STMN4: variants seen among roughly 807,000 people sequenced by gnomAD.
The protein encoded by STMN4 is stathmin-4.
In STMN4, 12 loss-of-function variants were observed where a neutral mutation model predicts 29.1. The ratio of observed to expected loss-of-function variants is 0.41; its 90% CI spans 0.26 to 0.67. The LOEUF is 0.67. STMN4 is among the 30% of genes least tolerant of loss of function. The pLI is 0.30. For synonymous variants in STMN4, 114 were observed against 105.3 expected, an observed-to-expected ratio of 1.08 and a Z score of -0.51; for missense variants, 181 against 262.8, an observed-to-expected ratio of 0.69 and a Z score of 2.15.
Position 27,242,460 on chromosome 8 carries a change from C to A in STMN4, c.46G>T (p.Val16Leu), listed in dbSNP as rs751862654. The change falls in exon 3 of 7, where the codon GTG (valine) becomes TTG (leucine). Residue 16 changes from valine to leucine, a missense_variant. By Grantham distance (32) the Val-to-Leu change is conservative. Transcript: ENST00000350889. ...YKEKMKELPL[V>L]SLFCSCFLAD... ...AGGAAGCAGGAGCAGAACAAGGACACCAGCGGGAGCTCCTTCATCTTCTCT... is the reference window on the plus strand; with the variant it reads ...AGGAAGCAGGAGCAGAACAAGGACAACAGCGGGAGCTCCTTCATCTTCTCT... 1 of 1,614,198 alleles carries A rather than the reference C, an allele frequency of 6.2e-7. No individual in the cohort carries two copies. The highest frequency in any genetic ancestry group is 8.5e-7 in the Non-Finnish European group (1 of 1,180,032).
At chr8:27,255,552 C>T (rs569918411) in intron 1 of STMN4, among the ~76,000 whole-genome samples, 8 of 152,256 alleles carry the variant, frequency 5.3e-5, no homozygotes, top group East Asian at 3.9e-4. Context: ...TTTTCCAATC[C>T]GTCTATACAG....
At chr8:27,258,193 C>T (rs1185736277) in intron 1 of STMN4, among the ~76,000 whole-genome samples, 158 bp downstream of exon 1, 1 of 152,182 alleles carries the variant, frequency 6.6e-6, no homozygotes, top group Non-Finnish European at 1.5e-5. Context: ...TCTGCCTCAC[C>T]CCCTTTCCCC....
intron 1 of STMN4, among the ~76,000 whole-genome samples, chr8:27,249,206 C>T (rs1489992476): frequency 6.6e-6 from 1 of 152,074 alleles, no homozygotes. Context: ...AGGGATCTCA[C>T]GGTGGGACAG....
chr8:27,243,866 G>C (rs1223989882), intron 1 of STMN4, 65 bp from the exon 2 acceptor site: 8 of 1,437,826 alleles, frequency 5.6e-6, no homozygotes, highest in Non-Finnish European at 7.7e-6. Context: ...CATAAGAAAG[G>C]TCTTTATACA....
chr8:27,257,271 A>G (rs73239483), intron 1 of STMN4, among the ~76,000 whole-genome samples: 9,383 of 152,176 alleles, frequency 0.062, 404 homozygotes, highest in Non-Finnish European at 0.09. Flanking sequence ...GCGGGGGCTC[A>G]GCCTCAGGTG....
Position 27,236,791 on chromosome 8 carries a change from C to T in STMN4, c.*55G>A, listed in dbSNP as rs555972464. On this transcript the variant is annotated 3_prime_UTR_variant, in exon 7 of 7. Transcript: ENST00000350889. ...AGCCGGCGGGCGAGGCTGCCTGGAACGTGGAGCTGCTGGAGCTGTCCGGCT... is the reference window on the plus strand; with the variant it reads ...AGCCGGCGGGCGAGGCTGCCTGGAATGTGGAGCTGCTGGAGCTGTCCGGCT... 73 of 1,498,170 alleles carry T rather than the reference C, an allele frequency of 4.9e-5. No homozygotes were observed. The highest frequency in any genetic ancestry group is 3.1e-4 in the South Asian group (23 of 74,456). The allele number at this position is 1,498,170 out of a possible 1,614,324, so 92.8% of individuals were successfully genotyped here. A position where few individuals can be genotyped will look rare whatever the true frequency, so the allele number is the denominator to read the frequency against.
At chr8:27,256,401 A>T (rs1156327441) in intron 1 of STMN4, among the ~76,000 whole-genome samples, 2 of 152,192 alleles carry the variant, frequency 1.3e-5, no homozygotes, top group Non-Finnish European at 2.9e-5. Context: ...TTGACTATCT[A>T]TTGGGAGTTT....
intron 2 of STMN4, among the ~76,000 whole-genome samples, chr8:27,243,311 C>T (rs1022276603): frequency 1.3e-5 from 2 of 152,246 alleles, no homozygotes; most frequent in Non-Finnish European, 2.9e-5. Flanking sequence ...TGGGCTCAAG[C>T]GATCCTTGTG....
chr8:27,244,442 C>T (rs1351691081), intron 1 of STMN4, among the ~76,000 whole-genome samples: 1 of 152,184 alleles, frequency 6.6e-6, no homozygotes, highest in Non-Finnish European at 1.5e-5. Context: ...CACCAGAAAT[C>T]AGCGTGAGGA....
At position 27,242,508 on chromosome 8, in the gene STMN4, G is replaced by A; in HGVS notation, c.14-16C>T. The A allele has an allele frequency of 6.2e-7, 1 of 1,613,432 alleles. No homozygotes were observed. The highest frequency in any genetic ancestry group is 8.5e-7 in the Non-Finnish European group (1 of 1,179,478). On this transcript the variant is annotated splice_polypyrimidine_tract_variant and intron_variant, in intron 2 of 6. Transcript: ENST00000350889. ...TCTTTGTAGGCTGCGGAAACACCCAGTCAGGTGAGGATGGCGCCTCTCCTA... is the reference window on the plus strand; with the variant it reads ...TCTTTGTAGGCTGCGGAAACACCCAATCAGGTGAGGATGGCGCCTCTCCTA...
intron 6 of STMN4, chr8:27,239,678 G>C (rs1310493818): frequency 2.8e-6 from 4 of 1,432,252 alleles, no homozygotes; most frequent in East Asian, 5.0e-5. Context: ...CTTTGTATTA[G>C]ACAGGCTTCT....
chr8:27,251,291 T>C (rs1457113245), intron 1 of STMN4, among the ~76,000 whole-genome samples: 1 of 120,418 alleles, frequency 8.3e-6, no homozygotes, highest in Non-Finnish European at 1.8e-5. Context: ...TATACGTATA[T>C]ATATATACAT....
intron 6 of STMN4, 171 bp downstream of exon 6, chr8:27,239,800 G>A (rs1195074918): frequency 6.5e-7 from 1 of 1,537,122 alleles, no homozygotes; most frequent in Admixed American, 2.0e-5. Context: ...TCTTGCCTCT[G>A]ACTTCCCTGA....
At chr8:27,242,147 GCA>G (rs981847675) in intron 3 of STMN4, 18 of 578,266 alleles carry the variant, frequency 3.1e-5, no homozygotes, top group African/African-American at 2.2e-4. Context: ...CTGGATGCAT[GCA>G]CAGAGGTGAC....
chr8:27,237,156 T>C (rs1801334260), intron 6 of STMN4, among the ~76,000 whole-genome samples: 1 of 152,056 alleles, frequency 6.6e-6, no homozygotes, highest in Admixed American at 6.5e-5. Context: ...GGGCCCACCT[T>C]ACAGTGACCA....
intron 3 of STMN4, 45 bp from the exon 4 acceptor site, chr8:27,241,802 C>T (rs764162127): frequency 2.5e-6 from 4 of 1,611,144 alleles, no homozygotes; most frequent in Non-Finnish European, 3.4e-6. Context: ...ATGCCTGTTC[C>T]TTGGTGCCAG....
rs1227757790 is a variant in STMN4 at position 27,235,935 on chromosome 8, A to G, written c.*911T>C. On this transcript the variant is annotated 3_prime_UTR_variant, in exon 7 of 7. Transcript: ENST00000350889. Reference sequence around the variant, plus strand: ...TGTTATCAATTACTTAGTCTAAGGTATTTTGTTACAGCAGTCTGAACGGTT... The same window carrying G: ...TGTTATCAATTACTTAGTCTAAGGTGTTTTGTTACAGCAGTCTGAACGGTT... 1 of 152,228 alleles carries G rather than the reference A, an allele frequency of 6.6e-6. No individual in the cohort carries two copies. Among genetic ancestry groups the G allele is most frequent in the Admixed American group, 6.5e-5 (1 of 15,280 alleles). The allele number at this position is 152,228 out of a possible 1,614,324, so 9.4% of individuals were successfully genotyped here. A position where few individuals can be genotyped will look rare whatever the true frequency, so the allele number is the denominator to read the frequency against.
chr8:27,248,295 C>T lies in STMN4; in HGVS notation c.-78-4494G>A, dbSNP rs1017170809. On this transcript the variant is annotated intron_variant, in intron 1 of 6. Transcript: ENST00000350889. ...GCTAGATCTTCAGATGGCAAAGATT[C>T]GAGTGTGGCCTCATCCCAGACTGTG... Among the ~76,000 whole-genome samples the T allele has an allele frequency of 2.6e-5, 4 of 152,074 alleles. No homozygotes were observed. In the East Asian group the frequency reaches 5.8e-4, roughly 22 times the overall value.
chr8:27,242,270 A>G lies in STMN4; in HGVS notation c.109+127T>C, dbSNP rs1033311496. On this transcript the variant is annotated intron_variant, in intron 3 of 6. Transcript: ENST00000350889. ...CCTCGGGCTCACCCGCTGTGATTTC[A>G]TCGGCACTGGGAAGGAAACTGTCTC... 4.2e-6 allele frequency: 4 copies of G among 952,656 alleles called. No homozygotes were observed. The Admixed American group carries it at 8.5e-5, about 20-fold the overall frequency. The allele number at this position is 952,656 out of a possible 1,614,324, so 59.0% of individuals were successfully genotyped here.
Sources: gnomAD v4.1 joint callset for allele counts (sites outside exome capture counted in the v4.1 genomes callset) on GRCh38, gnomAD v4.1.1 for gene constraint, MANE v1.5 for transcripts, NCBI Gene and HGNC (gene_info 2026-07-23, HGNC 2026-07-21) for gene names.